Variants in SPAG16 observed in about 807,000 individuals in gnomAD.
SPAG16 encodes the protein sperm associated antigen 16, also known as sperm-associated antigen 16 protein.
In SPAG16, 86 loss-of-function variants were observed where a neutral mutation model predicts 80.4. The observed-to-expected ratio is 1.07, with a 90% CI of 0.90 to 1.28. The LOEUF (loss-of-function observed/expected upper bound fraction) is 1.28, where lower values mean the gene tolerates loss of function less well. Ranked by LOEUF, SPAG16 falls within the 50% of genes most tolerant of loss-of-function variation. The probability of loss-of-function intolerance (pLI) is 0.00; values close to 1 mark genes in which losing one functional copy is unlikely to be tolerated. For missense variants in SPAG16, 870 were observed against 765.3 expected, an observed-to-expected ratio of 1.14 and a Z score of -1.61; for synonymous variants, 294 against 265.9, an observed-to-expected ratio of 1.11 and a Z score of -1.03.
chr2:213,502,630 A>G (rs988372222), intron 10 of SPAG16, among the ~76,000 whole-genome samples: 2 of 152,242 alleles, frequency 1.3e-5, no homozygotes, highest in Non-Finnish European at 2.9e-5. Context: ...TGTTACCACA[A>G]TGATGATCAC....
At chr2:213,363,258 C>T (rs959311212) in intron 7 of SPAG16, among the ~76,000 whole-genome samples, 2 of 152,006 alleles carry the variant, frequency 1.3e-5, no homozygotes, top group Admixed American at 6.6e-5. Flanking sequence ...TTATGCTATT[C>T]TAAATAAAAA....
intron 10 of SPAG16, among the ~76,000 whole-genome samples, chr2:213,624,091 TC>T (rs1265577235): frequency 1.3e-5 from 2 of 152,162 alleles, no homozygotes; most frequent in African/African-American, 4.8e-5. Context: ...ATTTTTTAAT[TC>T]CTGACAACCT....
chr2:213,523,390 T>C (rs1275527936), intron 10 of SPAG16, among the ~76,000 whole-genome samples: 2 of 152,216 alleles, frequency 1.3e-5, no homozygotes, highest in Non-Finnish European at 2.9e-5. Context: ...GACTCAGGTA[T>C]GTCTTCATTA....
chr2:213,550,546 C>T (rs534062785), intron 10 of SPAG16, among the ~76,000 whole-genome samples: 2 of 152,144 alleles, frequency 1.3e-5, no homozygotes, highest in East Asian at 3.9e-4. Flanking sequence ...TGATCAATCT[C>T]ATGGAAGAAT....
intron 13 of SPAG16, among the ~76,000 whole-genome samples, chr2:214,057,214 C>A (rs76531184): frequency 0.015 from 2,180 of 147,962 alleles, 51 homozygotes; most frequent in African/African-American, 0.05. Flanking sequence ...CAAGATCCAT[C>A]AGAGGAATTA....
At chr2:213,830,109 G>A (rs530178046) in intron 10 of SPAG16, among the ~76,000 whole-genome samples, 115 of 152,210 alleles carry the variant, frequency 7.6e-4, no homozygotes, top group African/African-American at 2.6e-3. Flanking sequence ...GGCCTAGACT[G>A]CCTTTCAAGT....
intron 15 of SPAG16, among the ~76,000 whole-genome samples, chr2:214,290,758 A>C (rs1003175649): frequency 6.6e-6 from 1 of 152,134 alleles, no homozygotes; most frequent in Non-Finnish European, 1.5e-5. Flanking sequence ...TGTGATTTCT[A>C]TTTTATAAAA....
chr2:213,727,096 A>G (rs1263970211), intron 10 of SPAG16, among the ~76,000 whole-genome samples: 2 of 152,246 alleles, frequency 1.3e-5, no homozygotes, highest in Non-Finnish European at 2.9e-5. Flanking sequence ...CATAATGAAT[A>G]TACATTGAAA....
intron 9 of SPAG16, among the ~76,000 whole-genome samples, chr2:213,450,215 A>T (rs1472902718): frequency 2.0e-5 from 3 of 152,170 alleles, no homozygotes; most frequent in African/African-American, 7.2e-5. Context: ...GAGGCAGGAG[A>T]ATTGCTTGAA....
At chr2:213,792,719 A>T (rs13001807) in intron 10 of SPAG16, among the ~76,000 whole-genome samples, 38,626 of 132,616 alleles carry the variant, frequency 0.29, 5,440 homozygotes, top group Middle Eastern at 0.46. Flanking sequence ...GAGTAGCTGG[A>T]ATTACAGGCA....
intron 15 of SPAG16, among the ~76,000 whole-genome samples, chr2:214,181,301 A>G (rs1462735664): frequency 6.6e-6 from 1 of 151,782 alleles, no homozygotes; most frequent in Non-Finnish European, 1.5e-5. Context: ...AGAACTGAAC[A>G]TGATGTAATG....
intron 9 of SPAG16, among the ~76,000 whole-genome samples, chr2:213,428,692 C>T (rs1003064368): frequency 5.9e-5 from 9 of 152,194 alleles, no homozygotes; most frequent in African/African-American, 2.2e-4. Context: ...AGTTATACAG[C>T]TCAGTGTGAC....
intron 15 of SPAG16, among the ~76,000 whole-genome samples, chr2:214,332,803 G>T (rs1697015328): frequency 2.0e-5 from 3 of 151,884 alleles, no homozygotes; most frequent in Admixed American, 6.6e-5. Context: ...CCATTATATA[G>T]TTCAGAGGCT....
At chr2:213,573,991 A>T (rs1272487570) in intron 10 of SPAG16, among the ~76,000 whole-genome samples, 1 of 152,184 alleles carries the variant, frequency 6.6e-6, no homozygotes, top group Non-Finnish European at 1.5e-5. Flanking sequence ...GATTATATTA[A>T]TACATTTCTA....
intron 13 of SPAG16, among the ~76,000 whole-genome samples, chr2:214,033,557 C>T (rs13414880): frequency 0.11 from 16,708 of 152,118 alleles, 1,127 homozygotes; most frequent in East Asian, 0.29. Context: ...TTATATTCAA[C>T]CATTTATTCA....
intron 10 of SPAG16, among the ~76,000 whole-genome samples, chr2:213,808,657 C>T (rs1965057): frequency 0.92 from 140,681 of 152,170 alleles, 66,045 homozygotes; most frequent in East Asian, 1. Flanking sequence ...TATGAGTAGG[C>T]CAAGTAGATG....
intron 15 of SPAG16, among the ~76,000 whole-genome samples, chr2:214,311,167 G>C (rs372497749): frequency 3.2e-4 from 48 of 152,198 alleles, no homozygotes; most frequent in Non-Finnish European, 6.0e-4. Flanking sequence ...CCTCTGTTCC[G>C]AGGAGCGCTT....
At chr2:214,176,800 T>C (rs1266925443) in intron 15 of SPAG16, among the ~76,000 whole-genome samples, 1 of 146,270 alleles carries the variant, frequency 6.8e-6, no homozygotes, top group African/African-American at 2.5e-5. Flanking sequence ...TCTAGTGGAA[T>C]TTATTGAATG....
At chr2:213,775,868 A>C (rs571142724) in intron 10 of SPAG16, among the ~76,000 whole-genome samples, 157 of 152,342 alleles carry the variant, frequency 1.0e-3, no homozygotes, top group African/African-American at 2.7e-3. Flanking sequence ...ATACCATTAC[A>C]ACTAAGAAAC....
Sources: gnomAD v4.1 joint callset for allele counts (sites outside exome capture counted in the v4.1 genomes callset) on GRCh38, gnomAD v4.1.1 for gene constraint, MANE v1.5 for transcripts, NCBI Gene and HGNC (gene_info 2026-07-23, HGNC 2026-07-21) for gene names.